Variants in CACNA2D3 observed in about 807,000 individuals in gnomAD.
CACNA2D3 encodes calcium voltage-gated channel auxiliary subunit alpha2delta 3.
In CACNA2D3, 60 loss-of-function variants were observed where a neutral mutation model predicts 160.6. That is an observed-to-expected ratio of 0.37 (90% CI 0.30 to 0.46). CACNA2D3 has a LOEUF of 0.46. CACNA2D3 is among the 20% of genes least tolerant of loss of function. CACNA2D3 has a pLI of 1.00. For missense variants in CACNA2D3, 1,205 were observed against 1,365.0 expected, an observed-to-expected ratio of 0.88 and a Z score of 1.85; for synonymous variants, 558 against 492.9, an observed-to-expected ratio of 1.13 and a Z score of -1.75.
intron 27 of CACNA2D3, among the ~76,000 whole-genome samples, chr3:54,965,696 G>T (rs1032853564): frequency 6.6e-6 from 1 of 152,156 alleles, no homozygotes; most frequent in African/African-American, 2.4e-5. Context: ...AGAAAACACT[G>T]CAAACCCCAG....
intron 2 of CACNA2D3, among the ~76,000 whole-genome samples, chr3:54,185,259 A>G (rs1700860192): frequency 6.6e-6 from 1 of 152,240 alleles, no homozygotes; most frequent in Non-Finnish European, 1.5e-5. Flanking sequence ...ACAAAAAGAA[A>G]TACTTACATC....
At chr3:54,439,326 T>C (rs34276649) in intron 4 of CACNA2D3, among the ~76,000 whole-genome samples, 3,378 of 152,118 alleles carry the variant, frequency 0.022, 55 homozygotes, top group South Asian at 0.055. Flanking sequence ...TGTGTGTGTG[T>C]GTGTGTTTGT....
At chr3:54,540,443 A>T in intron 5 of CACNA2D3, among the ~76,000 whole-genome samples, 1 of 152,224 alleles carries the variant, frequency 6.6e-6, no homozygotes, top group East Asian at 1.9e-4. Context: ...TTTGAATTTG[A>T]TATTATTTTT....
intron 35 of CACNA2D3, among the ~76,000 whole-genome samples, chr3:55,026,968 C>G (rs1428561659): frequency 6.6e-6 from 1 of 152,052 alleles, no homozygotes; most frequent in African/African-American, 2.4e-5. Context: ...TTCCTTCTCT[C>G]TCACCGCTAA....
intron 35 of CACNA2D3, among the ~76,000 whole-genome samples, chr3:55,027,109 G>A (rs993188889): frequency 2.6e-5 from 4 of 152,154 alleles, no homozygotes; most frequent in Non-Finnish European, 4.4e-5. Context: ...GTAGCTAGTT[G>A]GATGAGAAAT....
chr3:54,279,478 C>T (rs754581926), intron 2 of CACNA2D3, among the ~76,000 whole-genome samples: 11 of 152,174 alleles, frequency 7.2e-5, no homozygotes, highest in Non-Finnish European at 1.2e-4. Flanking sequence ...TCTGGTACTA[C>T]GCTCTTCCCA....
intron 17 of CACNA2D3, among the ~76,000 whole-genome samples, chr3:54,865,803 A>G (rs1699389438): frequency 6.6e-6 from 1 of 152,216 alleles, no homozygotes; most frequent in Admixed American, 6.5e-5. Flanking sequence ...TTTTCAGGCC[A>G]TATTTATTAA....
chr3:54,794,995 A>G (rs1033083993), intron 13 of CACNA2D3, among the ~76,000 whole-genome samples: 1 of 152,028 alleles, frequency 6.6e-6, no homozygotes, highest in Admixed American at 6.6e-5. Flanking sequence ...TTTGTTCTGC[A>G]CTGCTCCAAA....
At chr3:54,369,919 G>T (rs1335312972) in intron 3 of CACNA2D3, among the ~76,000 whole-genome samples, 5 of 152,176 alleles carry the variant, frequency 3.3e-5, no homozygotes, top group Non-Finnish European at 7.3e-5. Context: ...TAAGTAATTT[G>T]TAGCTCCCTT....
chr3:54,983,436 C>T (rs911599674), intron 29 of CACNA2D3, among the ~76,000 whole-genome samples: 3 of 152,204 alleles, frequency 2.0e-5, no homozygotes, highest in Non-Finnish European at 4.4e-5. Context: ...AAGACTCCCT[C>T]CAGGACCAAG....
chr3:54,520,584 G>A (rs1318835654), intron 5 of CACNA2D3, among the ~76,000 whole-genome samples: 2 of 152,206 alleles, frequency 1.3e-5, no homozygotes, highest in East Asian at 1.9e-4. Context: ...GAGAGCTGCT[G>A]TAATTTTTCC....
chr3:54,812,578 C>T (rs1703346542), intron 13 of CACNA2D3, among the ~76,000 whole-genome samples: 1 of 152,202 alleles, frequency 6.6e-6, no homozygotes, highest in African/African-American at 2.4e-5. Flanking sequence ...TCTCTGTCCT[C>T]CATCCAGACT....
chr3:54,391,985 G>A (rs191853767), intron 4 of CACNA2D3, among the ~76,000 whole-genome samples: 4 of 152,144 alleles, frequency 2.6e-5, no homozygotes, highest in Admixed American at 1.3e-4. Context: ...TATTATAATA[G>A]CATCTCTCTC....
At chr3:54,171,483 C>T (rs1339759888) in intron 2 of CACNA2D3, among the ~76,000 whole-genome samples, 1 of 151,934 alleles carries the variant, frequency 6.6e-6, no homozygotes, top group East Asian at 1.9e-4. Context: ...TATAAACACC[C>T]AGATTCCAGA....
intron 3 of CACNA2D3, among the ~76,000 whole-genome samples, chr3:54,340,172 G>A (rs528858170): frequency 2.2e-4 from 34 of 152,220 alleles, no homozygotes; most frequent in Non-Finnish European, 4.0e-4. Flanking sequence ...CTATTTTTCA[G>A]GTTTGTGCTG....
intron 3 of CACNA2D3, among the ~76,000 whole-genome samples, chr3:54,353,309 A>G (rs1464086268): frequency 6.6e-6 from 1 of 152,170 alleles, no homozygotes; most frequent in Non-Finnish European, 1.5e-5. Flanking sequence ...ATCCTTGGGA[A>G]TGGTTGATGT....
intron 9 of CACNA2D3, among the ~76,000 whole-genome samples, chr3:54,625,995 A>T (rs893514963): frequency 1.3e-5 from 2 of 152,176 alleles, no homozygotes; most frequent in African/African-American, 4.8e-5. Flanking sequence ...AGAGAAAGAA[A>T]GCCACTCCTT....
At chr3:54,987,231 G>A (rs2107107549) in intron 30 of CACNA2D3, among the ~76,000 whole-genome samples, 1 of 152,320 alleles carries the variant, frequency 6.6e-6, no homozygotes, top group Non-Finnish European at 1.5e-5. Flanking sequence ...TTGGGCTGAT[G>A]AAGTGGACTG....
At chr3:54,406,257 C>T (rs913057535) in intron 4 of CACNA2D3, among the ~76,000 whole-genome samples, 10 of 152,146 alleles carry the variant, frequency 6.6e-5, no homozygotes, top group African/African-American at 1.4e-4. Context: ...ATGTTAATTG[C>T]GCCATTTTCC....
Sources: allele counts gnomAD v4.1 joint callset (sites outside exome capture counted in the v4.1 genomes callset), GRCh38; gene constraint gnomAD v4.1.1; transcripts MANE v1.5; gene names NCBI Gene and HGNC (gene_info 2026-07-23, HGNC 2026-07-21).